The following RHOU variants were observed in gnomAD, a reference collection of about 807,000 sequenced individuals.
RHOU encodes rho-related GTP-binding protein RhoU.
RHOU carries 8 observed loss-of-function variants against 12.6 expected under a neutral mutation model. That is an observed-to-expected ratio of 0.64 (90% CI 0.37 to 1.15). RHOU has a LOEUF of 1.15. Ranked by LOEUF, RHOU falls within the 50% of genes most tolerant of loss-of-function variation. The pLI is 0.01. For synonymous variants in RHOU, 161 were observed against 147.4 expected (o/e 1.09, Z -0.67); for missense variants, 258 against 347.0 (o/e 0.74, Z 2.04).
chr1:228,646,981 A>T, the RHOU span, among the ~76,000 whole-genome samples: 1 of 151,984 alleles, frequency 6.6e-6, no homozygotes, highest in African/African-American at 2.4e-5. Flanking sequence ...GTACAGAGGT[A>T]CAGAGGGAAG....
the RHOU span, among the ~76,000 whole-genome samples, chr1:228,696,578 GCT>G: frequency 0.02 from 3,005 of 152,106 alleles, 100 homozygotes; most frequent in African/African-American, 0.069. Flanking sequence ...ACAGAGTCTT[GCT>G]CTGTCACCCA....
the RHOU span, among the ~76,000 whole-genome samples, chr1:228,657,808 T>C: frequency 1.3e-5 from 2 of 152,212 alleles, no homozygotes; most frequent in Non-Finnish European, 2.9e-5. Flanking sequence ...TTTTAAAAGA[T>C]AGATAGCATA....
At chr1:228,667,653 A>G in the RHOU span, among the ~76,000 whole-genome samples, 2 of 152,174 alleles carry the variant, frequency 1.3e-5, no homozygotes, top group East Asian at 3.9e-4. Flanking sequence ...CCATGTTTTC[A>G]ATGACTACAT....
chr1:228,726,771 T>A, the RHOU span, among the ~76,000 whole-genome samples: 1 of 152,116 alleles, frequency 6.6e-6, no homozygotes, highest in Non-Finnish European at 1.5e-5. Flanking sequence ...GGGGAAATAA[T>A]AGCACAGGTT....
chr1:228,721,214 A>T, the RHOU span, among the ~76,000 whole-genome samples: 1 of 152,174 alleles, frequency 6.6e-6, no homozygotes, highest in Non-Finnish European at 1.5e-5. Context: ...AAGCAGGAGA[A>T]TCACTTGAAC....
the RHOU span, among the ~76,000 whole-genome samples, chr1:228,713,429 A>G: frequency 6.6e-6 from 1 of 152,136 alleles, no homozygotes; most frequent in African/African-American, 2.4e-5. Flanking sequence ...TCCCCTTGCC[A>G]TTCTGTAATT....
At chr1:228,728,772 C>T in the RHOU span, among the ~76,000 whole-genome samples, 2 of 152,166 alleles carry the variant, frequency 1.3e-5, no homozygotes, top group Non-Finnish European at 2.9e-5. Flanking sequence ...ATAAAACCAC[C>T]ACTCAGATCA....
chr1:228,651,961 G>T, the RHOU span, among the ~76,000 whole-genome samples: 4 of 152,184 alleles, frequency 2.6e-5, no homozygotes, highest in Non-Finnish European at 5.9e-5. Context: ...GAGGCAGTTG[G>T]TTGAAGTAGC....
the RHOU span, among the ~76,000 whole-genome samples, chr1:228,647,154 A>T: frequency 6.6e-6 from 1 of 152,172 alleles, no homozygotes; most frequent in African/African-American, 2.4e-5. Context: ...GCTGTGCCTG[A>T]GCAGGGCGGC....
the RHOU span, among the ~76,000 whole-genome samples, chr1:228,706,984 G>T: frequency 6.6e-6 from 1 of 150,384 alleles, no homozygotes; most frequent in Admixed American, 6.7e-5. Flanking sequence ...GCTGTTGAAC[G>T]TGGTGGTGAT....
chr1:228,697,283 T>C, the RHOU span, among the ~76,000 whole-genome samples: 1 of 152,204 alleles, frequency 6.6e-6, no homozygotes, highest in African/African-American at 2.4e-5. Context: ...TATCCTGTAA[T>C]GAAATTTTAT....
At chr1:228,691,735 G>A in the RHOU span, among the ~76,000 whole-genome samples, 11 of 152,282 alleles carry the variant, frequency 7.2e-5, no homozygotes, top group East Asian at 1.7e-3. Flanking sequence ...GTGGACATAA[G>A]TTTTGCAGGC....
the RHOU span, among the ~76,000 whole-genome samples, chr1:228,693,349 T>G: frequency 6.6e-6 from 1 of 152,232 alleles, no homozygotes; most frequent in East Asian, 1.9e-4. Flanking sequence ...GTTTTATCTT[T>G]GATCCTCAGA....
At chr1:228,731,874 T>G (rs1490688046), upstream of RHOU, among the ~76,000 whole-genome samples, 1 of 152,018 alleles carries the variant, frequency 6.6e-6, no homozygotes, top group African/African-American at 2.4e-5. Context: ...GTTTTCAGAA[T>G]TTTCTAGGCC....
chr1:228,677,253 A>T, the RHOU span, among the ~76,000 whole-genome samples: 8 of 152,168 alleles, frequency 5.3e-5, no homozygotes, highest in Non-Finnish European at 1.2e-4. Flanking sequence ...GTGGTTTTGT[A>T]TGAATTGAGA....
the RHOU span, among the ~76,000 whole-genome samples, chr1:228,684,949 G>T: frequency 6.6e-6 from 1 of 152,186 alleles, no homozygotes; most frequent in Non-Finnish European, 1.5e-5. Flanking sequence ...TAAAAGAACG[G>T]CTACTCCATA....
At chr1:228,722,622 G>T in the RHOU span, among the ~76,000 whole-genome samples, 1 of 147,296 alleles carries the variant, frequency 6.8e-6, no homozygotes, top group Non-Finnish European at 1.5e-5. Flanking sequence ...GAGTTATCCT[G>T]ACCTCCTTTT....
At chr1:228,698,328 GCTAAATACAAAGT>G in the RHOU span, among the ~76,000 whole-genome samples, 38 of 152,294 alleles carry the variant, frequency 2.5e-4, no homozygotes, top group Middle Eastern at 0.014. Context: ...CAAAGAATGA[GCTAAATACAAAGT>G]CTACTTGTTT....
chr1:228,648,251 C>T, the RHOU span, among the ~76,000 whole-genome samples: 1 of 152,252 alleles, frequency 6.6e-6, no homozygotes, highest in African/African-American at 2.4e-5. Context: ...ATTGCTTGCG[C>T]CTAGGCCACT....
Sources: allele counts gnomAD v4.1 joint callset (sites outside exome capture counted in the v4.1 genomes callset), GRCh38; gene constraint gnomAD v4.1.1; transcripts MANE v1.5; gene names NCBI Gene and HGNC (gene_info 2026-07-23, HGNC 2026-07-21).